The following ST7L variants were observed in gnomAD, a reference collection of about 807,000 sequenced individuals.
ST7L encodes the protein suppression of tumorigenicity 7 like, also known as suppressor of tumorigenicity 7 protein-like.
In ST7L, 57 loss-of-function variants were observed where a neutral mutation model predicts 72.5. The ratio of observed to expected loss-of-function variants is 0.79; its 90% CI spans 0.64 to 0.98. The LOEUF (loss-of-function observed/expected upper bound fraction) is 0.98. Among genes scored for constraint, ST7L ranks in the 50% least tolerant of loss-of-function variants. ST7L has a pLI of 0.00. For missense variants in ST7L, 576 were observed against 672.2 expected, an observed-to-expected ratio of 0.86 and a Z score of 1.58; for synonymous variants, 221 against 240.9, an observed-to-expected ratio of 0.92 and a Z score of 0.77.
chr1:112,574,385 C>T (rs1467056707), intron 11 of ST7L, among the ~76,000 whole-genome samples: 6 of 151,418 alleles, frequency 4.0e-5, no homozygotes, highest in African/African-American at 9.7e-5. Context: ...AAAAGCCAGA[C>T]GCACTGGCTC....
chr1:112,582,361 A>G lies in ST7L; in HGVS notation c.954+14T>C. The G allele has an allele frequency of 6.4e-7, 1 of 1,560,248 alleles. No individual in the cohort carries two copies. The highest frequency in any genetic ancestry group is 8.8e-7 in the Non-Finnish European group (1 of 1,135,136). On this transcript the variant is annotated intron_variant, in intron 8 of 14. Coordinates refer to ENST00000358039, the MANE Select transcript of ST7L (RefSeq NM_017744.5). ...GAGGAATAAATGTAATAGTCCCATC[A>G]TCAATTTACTTACATCTCTCATTAT...
intron 6 of ST7L, among the ~76,000 whole-genome samples, chr1:112,588,419 T>C (rs1285392011): frequency 6.6e-6 from 1 of 152,224 alleles, no homozygotes; most frequent in Non-Finnish European, 1.5e-5. Context: ...CGTATTTAGC[T>C]GTAGATTTTT....
At chr1:112,596,291 G>C (rs1666466073) in intron 5 of ST7L, among the ~76,000 whole-genome samples, 1 of 152,038 alleles carries the variant, frequency 6.6e-6, no homozygotes, top group South Asian at 2.1e-4. Context: ...AAATCACTAT[G>C]AACTCATTTT....
In ST7L at chr1:112,549,342, G is replaced by A. The variant is rs536336760; in HGVS notation, c.1489+1259C>T. Among the ~76,000 whole-genome samples the A allele has an allele frequency of 4.6e-5, 7 of 152,280 alleles. No individual in the cohort carries two copies. The South Asian group carries it at 1.4e-3, about 32-fold the overall frequency. On this transcript the variant is annotated intron_variant, in intron 13 of 14. Transcript: ENST00000358039. ...CAGGAGGCGGAGGTTGTAGTGAGCT[G>A]AGATTGCGCCACTGCACTCCAGCCT... is the stretch of plus-strand genomic sequence containing the variant.
chr1:112,571,425 A>AT, intron 11 of ST7L: 1 of 337,182 alleles, frequency 3.0e-6, no homozygotes, highest in South Asian at 2.4e-5. Flanking sequence ...ATATATCTAT[A>AT]TAGTTTTATT....
upstream of ST7L, chr1:112,619,248 A>G (rs1310417271): frequency 1.2e-6 from 1 of 800,780 alleles, no homozygotes; most frequent in Non-Finnish European, 2.0e-6. Context: ...GACCGAGAAG[A>G]TTTCGAAGGT....
intron 10 of ST7L, among the ~76,000 whole-genome samples, chr1:112,577,864 A>G (rs567355964): frequency 6.6e-6 from 1 of 152,310 alleles, no homozygotes; most frequent in East Asian, 1.9e-4. Flanking sequence ...CTGCACAATA[A>G]AGAGAATTCA....
At chr1:112,555,554 G>T (rs1658973150) in intron 12 of ST7L, among the ~76,000 whole-genome samples, 1 of 151,904 alleles carries the variant, frequency 6.6e-6, no homozygotes, top group African/African-American at 2.4e-5. Flanking sequence ...GACAGAGTGA[G>T]ACTCCGTCTC....
chr1:112,618,129 A>G, intron 1 of ST7L: 1 of 1,288,608 alleles, frequency 7.8e-7, no homozygotes, highest in South Asian at 1.3e-5. Flanking sequence ...GTTGCTGCTC[A>G]GATCTTGAGT....
chr1:112,599,085 T>C (rs867295413), intron 4 of ST7L, among the ~76,000 whole-genome samples: 4 of 58,162 alleles, frequency 6.9e-5, no homozygotes, highest in Admixed American at 2.2e-4. Flanking sequence ...TATATATATA[T>C]ATATATATAT....
downstream of ST7L, chr1:112,520,585 T>TCCTCCAC: frequency 7.1e-7 from 1 of 1,416,460 alleles, no homozygotes; most frequent in East Asian, 2.4e-5. Flanking sequence ...ATGCACACCT[T>TCCTCCAC]CCTCCACCCT....
At chr1:112,584,212 T>C in intron 6 of ST7L, 86 bp from the exon 7 acceptor site, 2 of 1,348,258 alleles carry the variant, frequency 1.5e-6, no homozygotes, top group Non-Finnish European at 2.0e-6. Context: ...CTATGTCATA[T>C]TTCCTTACCT....
downstream of ST7L, chr1:112,523,464 T>C (rs1652991740): frequency 1.3e-5 from 2 of 152,244 alleles, no homozygotes; most frequent in Admixed American, 6.5e-5. Flanking sequence ...TCTGCATTGA[T>C]TGGCTTTACA....
intron 11 of ST7L, among the ~76,000 whole-genome samples, chr1:112,574,389 C>G (rs890798758): frequency 7.3e-5 from 11 of 151,564 alleles, no homozygotes; most frequent in South Asian, 4.2e-4. Context: ...GCCAGACGCA[C>G]TGGCTCACGC....
chr1:112,550,617 A>G lies in ST7L; in HGVS notation c.1473T>C (p.Asp491=). ...YPYPSCTETA[D]RELLPTFHHV... ...TTTACTTACTAGGTAATAGCTCTCT[A>G]TCAGCCGTCTCTGTGCAGCTGGGAT... is the stretch of plus-strand genomic sequence containing the variant. The change falls in exon 13 of 15, where the codon GAT becomes GAC. Residue 491 remains aspartate (D), a synonymous_variant. Transcript: ENST00000358039. 1 of 1,612,906 alleles carries G rather than the reference A, an allele frequency of 6.2e-7. No homozygotes were observed. Among genetic ancestry groups the G allele is most frequent in the Admixed American group, 1.7e-5 (1 of 59,998 alleles).
chr1:112,563,524 G>A (rs1214049102), intron 11 of ST7L, among the ~76,000 whole-genome samples: 1 of 152,142 alleles, frequency 6.6e-6, no homozygotes, highest in Non-Finnish European at 1.5e-5. Flanking sequence ...CCTAATATGT[G>A]CTATCAGACC....
intron 9 of ST7L, among the ~76,000 whole-genome samples, chr1:112,579,744 T>C (rs186150508): frequency 1.7e-3 from 264 of 152,242 alleles, no homozygotes; most frequent in African/African-American, 6.2e-3. Context: ...AGGAAGTAAA[T>C]TTGCTTTCAA....
At chr1:112,591,438 G>T in intron 6 of ST7L, 87 bp downstream of exon 6, 1 of 1,122,186 alleles carries the variant, frequency 8.9e-7, no homozygotes, top group Non-Finnish European at 1.3e-6. Context: ...GACTCCAAGT[G>T]TCTTAGGAAC....
At chr1:112,537,702 A>G (rs752367290) in intron 14 of ST7L, among the ~76,000 whole-genome samples, 9 of 152,258 alleles carry the variant, frequency 5.9e-5, no homozygotes, top group Non-Finnish European at 1.2e-4. Flanking sequence ...CTGGCCTTAG[A>G]GAATATCAGC....
Sources: allele counts gnomAD v4.1 joint callset (sites outside exome capture counted in the v4.1 genomes callset), GRCh38; gene constraint gnomAD v4.1.1; transcripts MANE v1.5; gene names NCBI Gene and HGNC (gene_info 2026-07-23, HGNC 2026-07-21).